Variants in SCHIP1 observed in about 807,000 individuals in gnomAD.
SCHIP1 encodes schwannomin interacting protein 1.
SCHIP1 carries 8 observed loss-of-function variants against 29.7 expected under a neutral mutation model. That is an observed-to-expected ratio of 0.27 (90% CI 0.16 to 0.49). The LOEUF (loss-of-function observed/expected upper bound fraction) is 0.49, where lower values mean the gene tolerates loss of function less well. Among genes scored for constraint, SCHIP1 ranks in the 20% least tolerant of loss-of-function variants. The pLI is 0.99. For synonymous variants in SCHIP1, 76 were observed against 94.9 expected (o/e 0.80, Z 1.16); for missense variants, 193 against 294.6 (o/e 0.66, Z 2.52).
chr3:159,665,140 G>T, the SCHIP1 span, among the ~76,000 whole-genome samples: 2 of 152,190 alleles, frequency 1.3e-5, no homozygotes, highest in East Asian at 3.9e-4. Flanking sequence ...TTTTCTGAAA[G>T]TTCACTAGAT....
the SCHIP1 span, among the ~76,000 whole-genome samples, chr3:159,442,451 A>AG: frequency 1.3e-5 from 2 of 152,292 alleles, no homozygotes; most frequent in East Asian, 3.9e-4. Context: ...GGCTGAGCTT[A>AG]GGTCCCCTAT....
the SCHIP1 span, among the ~76,000 whole-genome samples, chr3:159,278,675 A>G: frequency 6.6e-6 from 1 of 152,186 alleles, no homozygotes; most frequent in African/African-American, 2.4e-5. Flanking sequence ...GCTGTAGACC[A>G]TCAATTCAAG....
the SCHIP1 span, among the ~76,000 whole-genome samples, chr3:159,707,380 T>A: frequency 1.1e-4 from 17 of 152,296 alleles, no homozygotes; most frequent in African/African-American, 4.1e-4. Flanking sequence ...AGAGTTCTTA[T>A]CCGCAAAATT....
the SCHIP1 span, among the ~76,000 whole-genome samples, chr3:159,803,213 A>G: frequency 6.6e-6 from 1 of 151,938 alleles, no homozygotes; most frequent in African/African-American, 2.4e-5. Flanking sequence ...GGGCAGGGGG[A>G]GTTCTATCAA....
chr3:159,876,348 C>G (rs147852878), intron 2 of SCHIP1, among the ~76,000 whole-genome samples: 46 of 152,286 alleles, frequency 3.0e-4, no homozygotes, highest in Admixed American at 5.9e-4. Flanking sequence ...ACCAGAGGGT[C>G]TGGCTTGGAA....
At chr3:159,706,195 A>T in the SCHIP1 span, among the ~76,000 whole-genome samples, 3 of 152,106 alleles carry the variant, frequency 2.0e-5, no homozygotes, top group Admixed American at 2.0e-4. Flanking sequence ...GCCTAAGAAC[A>T]TTCACCTGTA....
At chr3:159,329,866 A>T in the SCHIP1 span, among the ~76,000 whole-genome samples, 7 of 137,928 alleles carry the variant, frequency 5.1e-5, no homozygotes, top group African/African-American at 2.2e-4. Context: ...CAGCACCGTT[A>T]GTATTTTTTT....
At chr3:159,840,034 T>C (rs943360961) in exon 1 of SCHIP1, 37 of 1,470,156 alleles carry the variant, frequency 2.5e-5, no homozygotes, top group Non-Finnish European at 3.2e-5. Context: ...ACTGCGCAGG[T>C]TGATCAGCGA....
chr3:159,505,160 C>T, the SCHIP1 span, among the ~76,000 whole-genome samples: 1 of 152,144 alleles, frequency 6.6e-6, no homozygotes, highest in Non-Finnish European at 1.5e-5. Context: ...TAAACCAAGC[C>T]TGGTCATAAA....
At chr3:159,309,308 A>T in the SCHIP1 span, 1 of 160,510 alleles carries the variant, frequency 6.2e-6, no homozygotes, top group African/African-American at 2.4e-5. Context: ...AAATAAATTA[A>T]ATTTATCTCT....
At chr3:159,771,697 T>G in the SCHIP1 span, among the ~76,000 whole-genome samples, 4 of 151,898 alleles carry the variant, frequency 2.6e-5, no homozygotes, top group African/African-American at 4.8e-5. Context: ...TTGTTGTTTT[T>G]TTTTTTTTTT....
the SCHIP1 span, among the ~76,000 whole-genome samples, chr3:159,458,271 C>A: frequency 1.1e-4 from 16 of 152,192 alleles, no homozygotes; most frequent in South Asian, 2.1e-4. Context: ...GTGACCACGC[C>A]TGCCTAACCA....
the SCHIP1 span, among the ~76,000 whole-genome samples, chr3:159,673,271 C>T: frequency 6.6e-6 from 1 of 152,226 alleles, no homozygotes; most frequent in Non-Finnish European, 1.5e-5. Context: ...AAAGTCTCAG[C>T]TGTGCAGAGC....
At chr3:159,339,790 T>G in the SCHIP1 span, among the ~76,000 whole-genome samples, 1 of 152,166 alleles carries the variant, frequency 6.6e-6, no homozygotes, top group East Asian at 1.9e-4. Context: ...TGCCTGAGAG[T>G]GTATTTCAGA....
At chr3:159,375,025 G>T in the SCHIP1 span, among the ~76,000 whole-genome samples, 9 of 151,954 alleles carry the variant, frequency 5.9e-5, no homozygotes, top group Non-Finnish European at 1.2e-4. Flanking sequence ...AGATGTATTG[G>T]GTCATATTAA....
At chr3:159,461,715 T>G in the SCHIP1 span, among the ~76,000 whole-genome samples, 1 of 151,864 alleles carries the variant, frequency 6.6e-6, no homozygotes, top group African/African-American at 2.4e-5. Flanking sequence ...AGTTACTATT[T>G]TGAGAGTGTC....
the SCHIP1 span, among the ~76,000 whole-genome samples, chr3:159,573,405 GA>G: frequency 2.0e-5 from 3 of 152,114 alleles, no homozygotes; most frequent in Admixed American, 2.0e-4. Flanking sequence ...ATTCTGGGTT[GA>G]AAATTCTTTT....
the SCHIP1 span, among the ~76,000 whole-genome samples, chr3:159,543,060 TAC>T: frequency 6.6e-6 from 1 of 150,864 alleles, no homozygotes; most frequent in African/African-American, 2.5e-5. Context: ...CATGCATATG[TAC>T]ACACACATAT....
chr3:159,321,335 T>G, the SCHIP1 span, among the ~76,000 whole-genome samples: 1 of 152,210 alleles, frequency 6.6e-6, no homozygotes, highest in African/African-American at 2.4e-5. Context: ...AACGAGAAGT[T>G]TCTCCTTTCT....
Sources: allele counts gnomAD v4.1 joint callset (sites outside exome capture counted in the v4.1 genomes callset), GRCh38; gene constraint gnomAD v4.1.1; transcripts MANE v1.5; gene names NCBI Gene and HGNC (gene_info 2026-07-23, HGNC 2026-07-21).